KCNIP1: variants seen among roughly 807,000 people sequenced by gnomAD.
KCNIP1 encodes potassium voltage-gated channel interacting protein 1, also known as A-type potassium channel modulatory protein KCNIP1.
A neutral mutation model predicts 33.0 loss-of-function variants in KCNIP1; 18 were observed. The observed-to-expected ratio is 0.55, with a 90% CI of 0.38 to 0.81. KCNIP1 has a LOEUF of 0.81. Among genes scored for constraint, KCNIP1 ranks in the 30% least tolerant of loss-of-function variants. The pLI, the probability that KCNIP1 is intolerant of heterozygous loss-of-function variation, is 0.00. For missense variants in KCNIP1, 238 were observed against 271.6 expected (o/e 0.88, Z 0.87); for synonymous variants, 93 against 98.3 (o/e 0.95, Z 0.32).
At chr5:170,691,795 C>T (rs1452041800) in intron 1 of KCNIP1, among the ~76,000 whole-genome samples, 1 of 152,072 alleles carries the variant, frequency 6.6e-6, no homozygotes, top group African/African-American at 2.4e-5. Context: ...CTCCTCAGCT[C>T]CCAACACTTC....
intron 1 of KCNIP1, among the ~76,000 whole-genome samples, chr5:170,577,166 T>A (rs950948832): frequency 6.6e-6 from 1 of 152,198 alleles, no homozygotes; most frequent in Non-Finnish European, 1.5e-5. Context: ...GTACATCAGA[T>A]CCCATGCTTT....
At chr5:170,390,371 T>C (rs1764668408) in intron 1 of KCNIP1, among the ~76,000 whole-genome samples, 1 of 151,116 alleles carries the variant, frequency 6.6e-6, no homozygotes, top group Non-Finnish European at 1.5e-5. Context: ...TCGGGCATAG[T>C]GGTGCATGCC....
chr5:170,463,012 G>A (rs903024936), intron 1 of KCNIP1, among the ~76,000 whole-genome samples: 2 of 151,934 alleles, frequency 1.3e-5, no homozygotes, highest in African/African-American at 2.4e-5. Flanking sequence ...CCACAAATAT[G>A]GTGCAGTATA....
chr5:170,661,221 T>A (rs1361019115), intron 1 of KCNIP1, among the ~76,000 whole-genome samples: 2 of 152,126 alleles, frequency 1.3e-5, no homozygotes, highest in African/African-American at 4.8e-5. Flanking sequence ...TTTGAGGGCA[T>A]CCATGATGTG....
At chr5:170,723,881 G>A (rs185937395) in intron 5 of KCNIP1, among the ~76,000 whole-genome samples, 2 of 152,314 alleles carry the variant, frequency 1.3e-5, no homozygotes, top group Admixed American at 1.3e-4. Flanking sequence ...CCACTAGAGA[G>A]GCTTTGAGGC....
At chr5:170,569,300 C>T (rs963083264) in intron 1 of KCNIP1, among the ~76,000 whole-genome samples, 4 of 152,262 alleles carry the variant, frequency 2.6e-5, no homozygotes, top group Non-Finnish European at 2.9e-5. Flanking sequence ...CCCCACCCCC[C>T]GCTGCTGTGT....
intron 1 of KCNIP1, chr5:170,376,782 C>G (rs1764022285): frequency 6.6e-6 from 1 of 152,028 alleles, no homozygotes; most frequent in Non-Finnish European, 1.5e-5. Flanking sequence ...GACTTAATAC[C>G]TGGGTGATGA....
At chr5:170,727,480 A>T (rs1764050701) in intron 5 of KCNIP1, among the ~76,000 whole-genome samples, 1 of 152,220 alleles carries the variant, frequency 6.6e-6, no homozygotes, top group Non-Finnish European at 1.5e-5. Flanking sequence ...AATTTGATTT[A>T]TTTGTTGAAA....
At chr5:170,549,308 C>T (rs1488937589) in intron 1 of KCNIP1, among the ~76,000 whole-genome samples, 3 of 152,138 alleles carry the variant, frequency 2.0e-5, no homozygotes, top group Non-Finnish European at 2.9e-5. Flanking sequence ...AAACCTCCTT[C>T]GTTTTTTTAA....
intron 1 of KCNIP1, among the ~76,000 whole-genome samples, chr5:170,386,082 G>A (rs557868940): frequency 1.5e-3 from 225 of 150,392 alleles, no homozygotes; most frequent in African/African-American, 5.2e-3. Context: ...GCAGAGATGC[G>A]CCACTGCACT....
At chr5:170,587,466 C>T (rs1442603804) in intron 1 of KCNIP1, among the ~76,000 whole-genome samples, 1 of 146,208 alleles carries the variant, frequency 6.8e-6, no homozygotes, top group Admixed American at 6.8e-5. Flanking sequence ...AATGTATTAT[C>T]TTGCAGTTCT....
Position 170,476,278 on chromosome 5 carries a change from G to C in KCNIP1, c.88+122314G>C, listed in dbSNP as rs575042263. On this transcript the variant is annotated intron_variant, in intron 1 of 7. Transcript: ENST00000377360. ...GAGCTACTGCACCCAGCCTAAACTT[G>C]TTTCTAATTAGCAGTTCCAAATTTT... Among the ~76,000 whole-genome samples, 17 of 152,266 alleles carry C rather than the reference G, an allele frequency of 1.1e-4. No individual in the cohort carries two copies. In the South Asian group the frequency reaches 3.3e-3, roughly 30 times the overall value.
At chr5:170,706,944 G>T (rs957771295) in intron 1 of KCNIP1, among the ~76,000 whole-genome samples, 1 of 152,088 alleles carries the variant, frequency 6.6e-6, no homozygotes, top group Non-Finnish European at 1.5e-5. Context: ...GTCATCAATT[G>T]TTCATTTACT....
intron 1 of KCNIP1, among the ~76,000 whole-genome samples, chr5:170,545,030 T>G (rs559883724): frequency 2.2e-4 from 33 of 152,310 alleles, no homozygotes; most frequent in African/African-American, 7.9e-4. Flanking sequence ...AGCCTGAAGA[T>G]TCTTATTTGG....
chr5:170,472,594 C>G (rs1311860666), intron 1 of KCNIP1, among the ~76,000 whole-genome samples: 2 of 138,628 alleles, frequency 1.4e-5, no homozygotes, highest in African/African-American at 2.6e-5. Flanking sequence ...CACCCTCCCC[C>G]CCAAGTCCCC....
chr5:170,590,962 C>A (rs1463524527), intron 1 of KCNIP1, among the ~76,000 whole-genome samples: 1 of 152,200 alleles, frequency 6.6e-6, no homozygotes, highest in Non-Finnish European at 1.5e-5. Context: ...GGTGCACCAC[C>A]TCCACTCCTA....
At chr5:170,581,557 G>A (rs1279712888) in intron 1 of KCNIP1, among the ~76,000 whole-genome samples, 2 of 152,330 alleles carry the variant, frequency 1.3e-5, no homozygotes, top group African/African-American at 4.8e-5. Flanking sequence ...GACACAGGTG[G>A]GGAAGTGACA....
chr5:170,493,271 G>T (rs558867770), intron 1 of KCNIP1, among the ~76,000 whole-genome samples: 1 of 152,208 alleles, frequency 6.6e-6, no homozygotes. Context: ...TGCACAATGG[G>T]TTCTCAGATG....
chr5:170,385,911 A>T (rs1209938180), intron 1 of KCNIP1, among the ~76,000 whole-genome samples: 2 of 151,954 alleles, frequency 1.3e-5, no homozygotes, highest in East Asian at 1.9e-4. Flanking sequence ...TGAGGTCAGG[A>T]GATCAAGACC....
Sources: allele counts gnomAD v4.1 joint callset (sites outside exome capture counted in the v4.1 genomes callset), GRCh38; gene constraint gnomAD v4.1.1; transcripts MANE v1.5; gene names NCBI Gene and HGNC (gene_info 2026-07-23, HGNC 2026-07-21).